Variants in PEX5L observed in about 807,000 individuals in gnomAD.
PEX5L encodes the protein PEX5-related protein.
PEX5L carries 30 observed loss-of-function variants against 84.0 expected under a neutral mutation model. The ratio of observed to expected loss-of-function variants is 0.36; its 90% CI spans 0.27 to 0.48. PEX5L has a LOEUF of 0.48. Ranked by LOEUF, PEX5L falls within the 20% of genes least tolerant of loss-of-function variation. The pLI, the probability that PEX5L is intolerant of heterozygous loss-of-function variation, is 0.99. For synonymous variants in PEX5L, 270 were observed against 283.1 expected, an observed-to-expected ratio of 0.95 and a Z score of 0.46; for missense variants, 533 against 754.6, an observed-to-expected ratio of 0.71 and a Z score of 3.44.
intron 7 of PEX5L, among the ~76,000 whole-genome samples, chr3:179,873,538 C>T (rs1321005394): frequency 6.6e-6 from 1 of 152,006 alleles, no homozygotes; most frequent in African/African-American, 2.4e-5. Context: ...CTGACTTTGG[C>T]CTTCTTAGAA....
At chr3:179,950,396 G>A (rs1778767371) in intron 2 of PEX5L, among the ~76,000 whole-genome samples, 1 of 152,038 alleles carries the variant, frequency 6.6e-6, no homozygotes, top group South Asian at 2.1e-4. Flanking sequence ...ATAGCATTAG[G>A]AGATATACCT....
Position 179,860,145 on chromosome 3 carries a change from CTG to C in PEX5L, c.727-990_727-989del, listed in dbSNP as rs531279982. Among the ~76,000 whole-genome samples, 481 of 151,972 alleles carry C rather than the reference CTG, an allele frequency of 3.2e-3. 2 individuals are homozygous for C. Among genetic ancestry groups the C allele is most frequent in the African/African-American group, 0.011 (467 of 41,442 alleles). ...GTTTTTTGTTTTTTTTGGTCAACCT[CTG>C]TGCTCTACCAGGGGATCCATGAGGA... On this transcript the variant is annotated intron_variant, in intron 7 of 14. Transcript: ENST00000467460.
chr3:179,999,818 T>C (rs1449480220), intron 1 of PEX5L, among the ~76,000 whole-genome samples: 1 of 152,196 alleles, frequency 6.6e-6, no homozygotes, highest in Non-Finnish European at 1.5e-5. Flanking sequence ...CTCACTGGTC[T>C]TATCATGTTC....
At chr3:180,022,806 T>C (rs1318329727) in intron 1 of PEX5L, among the ~76,000 whole-genome samples, 1 of 152,188 alleles carries the variant, frequency 6.6e-6, no homozygotes, top group Non-Finnish European at 1.5e-5. Flanking sequence ...GATGGGTGTT[T>C]TGTGACTGTT....
At chr3:179,824,092 A>G (rs1729480947) in intron 8 of PEX5L, among the ~76,000 whole-genome samples, 1 of 152,166 alleles carries the variant, frequency 6.6e-6, no homozygotes, top group South Asian at 2.1e-4. Flanking sequence ...AAGAATAAGA[A>G]AAGAAGCAAT....
At chr3:179,889,633 C>T (rs994658999) in intron 3 of PEX5L, among the ~76,000 whole-genome samples, 5 of 152,132 alleles carry the variant, frequency 3.3e-5, no homozygotes, top group African/African-American at 9.7e-5. Flanking sequence ...GGAATCAAAT[C>T]CAAGGCCTCT....
chr3:179,816,065 A>G, intron 9 of PEX5L, 61 bp from the exon 10 acceptor site: 1 of 1,533,396 alleles, frequency 6.5e-7, no homozygotes, highest in African/African-American at 1.4e-5. Context: ...TCTCACATTC[A>G]ATAAGTTCTC....
intron 8 of PEX5L, among the ~76,000 whole-genome samples, chr3:179,821,261 T>C (rs1190543032): frequency 6.6e-6 from 1 of 152,182 alleles, no homozygotes; most frequent in Non-Finnish European, 1.5e-5. Context: ...AACAAAACAA[T>C]GAGTATTCCT....
chr3:180,014,226 C>A (rs1054027081), intron 1 of PEX5L, among the ~76,000 whole-genome samples: 1 of 152,194 alleles, frequency 6.6e-6, no homozygotes, highest in African/African-American at 2.4e-5. Flanking sequence ...TGCACATCAC[C>A]TTAATACCAA....
intron 2 of PEX5L, among the ~76,000 whole-genome samples, chr3:179,925,302 C>G (rs1040485632): frequency 1.3e-5 from 2 of 152,160 alleles, no homozygotes; most frequent in Non-Finnish European, 2.9e-5. Context: ...CCCCTACTCC[C>G]CATCTGCCTA....
chr3:179,958,061 C>CAT (rs1334772775), intron 2 of PEX5L, among the ~76,000 whole-genome samples: 7 of 152,130 alleles, frequency 4.6e-5, no homozygotes, highest in Non-Finnish European at 1.0e-4. Flanking sequence ...CACATATATA[C>CAT]ATACACACTC....
chr3:179,926,495 A>G (rs1458253239), intron 2 of PEX5L, among the ~76,000 whole-genome samples: 3 of 152,102 alleles, frequency 2.0e-5, no homozygotes, highest in African/African-American at 7.2e-5. Flanking sequence ...TCAGGTGTCA[A>G]TTCAAGCATC....
intron 2 of PEX5L, among the ~76,000 whole-genome samples, chr3:179,946,217 A>G (rs1473280795): frequency 6.6e-6 from 1 of 152,146 alleles, no homozygotes; most frequent in Non-Finnish European, 1.5e-5. Context: ...AATAATCTTG[A>G]GCTTCAATCC....
intron 2 of PEX5L, among the ~76,000 whole-genome samples, chr3:179,899,589 C>T (rs991553886): frequency 1.3e-5 from 2 of 152,084 alleles, no homozygotes; most frequent in Non-Finnish European, 2.9e-5. Context: ...TAGGTTTACT[C>T]TAGGGATCAA....
rs1175415554 is a variant in PEX5L at position 180,024,358 on chromosome 3, AT to A, written c.21+12220del. On this transcript the variant is annotated intron_variant, in intron 1 of 14. Coordinates refer to ENST00000467460, the MANE Select transcript of PEX5L (RefSeq NM_016559.3). The stretch of plus-strand genomic sequence containing the variant: ...CCCCGTCCCTACTAAATATATATAT[AT>A]ATATATATATATATACACACACAAA... 5.8e-5 allele frequency among the ~76,000 whole-genome samples: 7 copies of A among 119,804 alleles called. 1 individual carries two copies. Among genetic ancestry groups the A allele is most frequent in the African/African-American group, 2.9e-4 (7 of 23,998 alleles). 78.6% of individuals were successfully genotyped at this position (119,804 alleles called of 152,430 possible). A position where few individuals can be genotyped will look rare whatever the true frequency, so the allele number is the denominator to read the frequency against.
At chr3:179,886,401 T>C (rs1396228292) in intron 4 of PEX5L, among the ~76,000 whole-genome samples, 2 of 151,966 alleles carry the variant, frequency 1.3e-5, no homozygotes, top group African/African-American at 4.9e-5. Context: ...TGTGGTGTGA[T>C]ATAAAAAAGT....
At chr3:179,868,991 C>G (rs1399749543) in intron 7 of PEX5L, among the ~76,000 whole-genome samples, 1 of 152,160 alleles carries the variant, frequency 6.6e-6, no homozygotes, top group African/African-American at 2.4e-5. Context: ...TTTCAGCGAA[C>G]CTTTAGGGGG....
intron 8 of PEX5L, among the ~76,000 whole-genome samples, chr3:179,839,785 A>G (rs1736347010): frequency 6.6e-6 from 1 of 152,240 alleles, no homozygotes. Flanking sequence ...AAATACACAA[A>G]TAAATGAATA....
At chr3:179,871,772 C>T (rs1273188237) in intron 7 of PEX5L, among the ~76,000 whole-genome samples, 2 of 152,230 alleles carry the variant, frequency 1.3e-5, no homozygotes, top group Non-Finnish European at 2.9e-5. Context: ...TGTAAATCTT[C>T]CTCCCCGTAG....
Sources: gnomAD v4.1 joint callset for allele counts (sites outside exome capture counted in the v4.1 genomes callset) on GRCh38, gnomAD v4.1.1 for gene constraint, MANE v1.5 for transcripts, NCBI Gene and HGNC (gene_info 2026-07-23, HGNC 2026-07-21) for gene names.